Variants in NUP210L observed in about 807,000 individuals in gnomAD.
NUP210L encodes nucleoporin 210 like.
NUP210L carries 74 observed loss-of-function variants against 208.5 expected under a neutral mutation model. The observed-to-expected ratio is 0.35, with a 90% CI of 0.29 to 0.43. NUP210L has a LOEUF of 0.43. NUP210L is among the 20% of genes least tolerant of loss of function. NUP210L has a pLI of 1.00. For missense variants in NUP210L, 1,843 were observed against 2,289.4 expected (o/e 0.81, Z 3.98); for synonymous variants, 780 against 816.9 (o/e 0.95, Z 0.77).
intron 20 of NUP210L, among the ~76,000 whole-genome samples, chr1:154,059,611 T>C (rs1269110017): frequency 6.6e-6 from 1 of 152,174 alleles, no homozygotes; most frequent in African/African-American, 2.4e-5. Context: ...AAGGATGTCA[T>C]GAAGAAAAAT....
chr1:154,109,871 A>G (rs1353663929), intron 12 of NUP210L, among the ~76,000 whole-genome samples: 2 of 151,468 alleles, frequency 1.3e-5, no homozygotes, highest in Non-Finnish European at 2.9e-5. Context: ...AAAACACAAC[A>G]TAACAAAACC....
At chr1:154,126,217 C>G (rs966643846) in intron 10 of NUP210L, 106 bp downstream of exon 10, 11 of 936,616 alleles carry the variant, frequency 1.2e-5, no homozygotes, top group Non-Finnish European at 1.6e-5. Context: ...GTTTATTTTT[C>G]TGAAAGATAA....
At chr1:154,048,499 T>C (rs753453225) in intron 25 of NUP210L, among the ~76,000 whole-genome samples, 5 of 152,144 alleles carry the variant, frequency 3.3e-5, no homozygotes, top group African/African-American at 7.2e-5. Flanking sequence ...AAGGAAAACA[T>C]TGGACTAATC....
intron 7 of NUP210L, among the ~76,000 whole-genome samples, chr1:154,129,734 T>C (rs904878956): frequency 5.3e-5 from 8 of 152,230 alleles, no homozygotes; most frequent in Admixed American, 6.5e-5. Context: ...GGATGAACTG[T>C]TGATGGAGGC....
At chr1:154,000,159 AAT>A (rs1189635825) in intron 37 of NUP210L, among the ~76,000 whole-genome samples, 5 of 152,126 alleles carry the variant, frequency 3.3e-5, no homozygotes, top group Non-Finnish European at 7.3e-5. Context: ...ATATAAGTTA[AAT>A]ATAAAATTTA....
chr1:154,152,774 G>A (rs554758818), exon 2 of NUP210L: 238 of 1,613,768 alleles, frequency 1.5e-4, no homozygotes, highest in Non-Finnish European at 1.9e-4. Context: ...GAGGCGTATC[G>A]GTTGCGTAGA....
intron 2 of NUP210L, among the ~76,000 whole-genome samples, chr1:154,152,453 C>T (rs905793299): frequency 3.3e-5 from 5 of 150,678 alleles, no homozygotes; most frequent in African/African-American, 7.3e-5. Context: ...GGATTACAGG[C>T]GCGAGCCACC....
At chr1:154,080,704 A>G (rs1233007088) in intron 16 of NUP210L, among the ~76,000 whole-genome samples, 1 of 149,622 alleles carries the variant, frequency 6.7e-6, no homozygotes, top group East Asian at 2.0e-4. Context: ...TAAATAAATA[A>G]CAACAACAAA....
At chr1:154,120,361 G>A (rs2148103486) in intron 10 of NUP210L, among the ~76,000 whole-genome samples, 1 of 152,140 alleles carries the variant, frequency 6.6e-6, no homozygotes, top group Admixed American at 6.6e-5. Context: ...ATCATTCTCA[G>A]CAAACTATCA....
At chr1:154,135,446 G>T (rs1464159459) in intron 7 of NUP210L, among the ~76,000 whole-genome samples, 4 of 151,020 alleles carry the variant, frequency 2.6e-5, no homozygotes, top group Non-Finnish European at 4.4e-5. Context: ...TTTTGAGACG[G>T]AGTCTCGCTG....
chr1:154,070,564 T>C (rs916546807), intron 16 of NUP210L, 99 bp from the exon 17 acceptor site: 1 of 805,448 alleles, frequency 1.2e-6, no homozygotes, highest in African/African-American at 1.8e-5. Flanking sequence ...TTTCTCTCAA[T>C]ATTTTTACCT....
chr1:154,088,223 A>G (rs375553984), intron 16 of NUP210L, among the ~76,000 whole-genome samples: 8 of 152,082 alleles, frequency 5.3e-5, no homozygotes, highest in Middle Eastern at 3.4e-3. Flanking sequence ...CTATAATCCC[A>G]GCTAACTGGG....
At chr1:154,099,605 G>A (rs557577258) in intron 14 of NUP210L, among the ~76,000 whole-genome samples, 1 of 152,042 alleles carries the variant, frequency 6.6e-6, no homozygotes, top group South Asian at 2.1e-4. Context: ...TATCTTTCAG[G>A]GTTCTTCAAA....
At chr1:154,084,686 T>C (rs1439657660) in intron 16 of NUP210L, among the ~76,000 whole-genome samples, 1 of 151,692 alleles carries the variant, frequency 6.6e-6, no homozygotes, top group Non-Finnish European at 1.5e-5. Context: ...TTGCCCAGGC[T>C]GGTCTCCAAC....
intron 10 of NUP210L, 23 bp downstream of exon 10, chr1:154,126,300 A>AAC: frequency 6.2e-7 from 1 of 1,603,934 alleles, no homozygotes; most frequent in Non-Finnish European, 8.5e-7. Context: ...TTAGAATACA[A>AAC]ACACTGTCTG....
At chr1:154,018,414 A>C (rs11264871) in intron 33 of NUP210L, among the ~76,000 whole-genome samples, 43,235 of 152,028 alleles carry the variant, frequency 0.28, 6,443 homozygotes, top group Admixed American at 0.4. Flanking sequence ...ATATCCAAAG[A>C]TGACTGCTTT....
At chr1:154,019,803 C>G (rs753037363) in intron 32 of NUP210L, among the ~76,000 whole-genome samples, 11 of 151,922 alleles carry the variant, frequency 7.2e-5, no homozygotes, top group Non-Finnish European at 1.5e-4. Context: ...GCGCATGCCT[C>G]TAGTTCCAGC....
intron 10 of NUP210L, among the ~76,000 whole-genome samples, chr1:154,119,658 G>A (rs1571296492): frequency 6.6e-6 from 1 of 152,210 alleles, no homozygotes; most frequent in East Asian, 1.9e-4. Context: ...GCTGAATGTA[G>A]GACTTGAGTA....
intron 16 of NUP210L, among the ~76,000 whole-genome samples, chr1:154,082,167 G>A (rs1406718257): frequency 6.6e-5 from 10 of 152,010 alleles, no homozygotes; most frequent in Admixed American, 5.9e-4. Flanking sequence ...CCTTTATAAC[G>A]AAACTGTGAG....
Sources: allele counts gnomAD v4.1 joint callset (sites outside exome capture counted in the v4.1 genomes callset), GRCh38; gene constraint gnomAD v4.1.1; transcripts MANE v1.5; gene names NCBI Gene and HGNC (gene_info 2026-07-23, HGNC 2026-07-21).